The following VPS13B variants were observed in gnomAD, a reference collection of about 807,000 sequenced individuals.
VPS13B encodes the protein vacuolar protein sorting 13 homolog B.
A neutral mutation model predicts 426.4 loss-of-function variants in VPS13B; 285 were observed. The observed-to-expected ratio is 0.67, with a 90% CI of 0.61 to 0.74. VPS13B has a LOEUF of 0.74. VPS13B is among the 30% of genes least tolerant of loss of function. VPS13B has a pLI of 0.00. For missense variants in VPS13B, 4,537 were observed against 4,782.6 expected, an observed-to-expected ratio of 0.95 and a Z score of 1.51; for synonymous variants, 1,676 against 1,676.4, an observed-to-expected ratio of 1.00 and a Z score of 0.01.
rs767234590 is a variant in VPS13B at position 99,720,434 on chromosome 8, A to G, written c.6747A>G (p.Val2249=). ...GYLNEEGNFE[V]QVSEPVPQMS... is the part of the protein sequence containing the mutation. Reference sequence around the variant, plus strand: ...TTAATGAGGAGGGAAATTTTGAAGTACAAGTTTCTGAACCAGTGCCTCAAA... The same window carrying G: ...TTAATGAGGAGGGAAATTTTGAAGTGCAAGTTTCTGAACCAGTGCCTCAAA... Residue 2249 remains valine, a synonymous_variant, in exon 38 of 62, where the codon GTA becomes GTG. Transcript: ENST00000357162. 1.2e-6 allele frequency: 2 copies of G among 1,614,032 alleles called. No individual in the cohort carries two copies. Among genetic ancestry groups the G allele is most frequent in the Non-Finnish European group, 1.7e-6 (2 of 1,179,916 alleles).
intron 15 of VPS13B, among the ~76,000 whole-genome samples, chr8:99,166,919 T>C (rs1422449272): frequency 1.3e-5 from 2 of 152,186 alleles, no homozygotes; most frequent in Non-Finnish European, 1.5e-5. Context: ...GTGAGAAAGA[T>C]TGTTTATTTT....
At chr8:99,403,291 G>A (rs115259850) in intron 21 of VPS13B, among the ~76,000 whole-genome samples, 1,893 of 152,284 alleles carry the variant, frequency 0.012, 44 homozygotes, top group African/African-American at 0.043. Flanking sequence ...TATTGAAAAT[G>A]TAATTGAAGC....
intron 30 of VPS13B, among the ~76,000 whole-genome samples, chr8:99,529,435 C>A (rs1286231370): frequency 6.6e-6 from 1 of 152,086 alleles, no homozygotes; most frequent in Non-Finnish European, 1.5e-5. Flanking sequence ...TAAAAAACTT[C>A]ATGTAAACAC....
intron 25 of VPS13B, among the ~76,000 whole-genome samples, chr8:99,494,303 A>T (rs1424018365): frequency 6.6e-6 from 1 of 152,104 alleles, no homozygotes; most frequent in Non-Finnish European, 1.5e-5. Flanking sequence ...AAAATAACTC[A>T]CCATCTTAAT....
At chr8:99,513,014 G>A (rs1588451778) in intron 29 of VPS13B, among the ~76,000 whole-genome samples, 1 of 143,800 alleles carries the variant, frequency 7.0e-6, no homozygotes, top group East Asian at 2.0e-4. Flanking sequence ...ATCTCAAGTG[G>A]GAAAAAAAAA....
rs1253879066 is a variant in VPS13B, at chr8:99,721,038, T to C, written c.7041T>C (p.Asp2347=). ...DPDISTADLG[D]VLQVPCSLEY... ...ATATTAGCACAGCAGACCTTGGTGATGTGCTACAGGTATGTAATGACCATT... is the reference window on the plus strand; with the variant it reads ...ATATTAGCACAGCAGACCTTGGTGACGTGCTACAGGTATGTAATGACCATT... The change falls in exon 39 of 62, where the codon GAT becomes GAC. Residue 2347 remains aspartate, a synonymous_variant. Transcript: ENST00000357162. 2 of 1,613,990 alleles carry C rather than the reference T, an allele frequency of 1.2e-6. No homozygotes were observed. Among genetic ancestry groups the C allele is most frequent in the Non-Finnish European group, 1.7e-6 (2 of 1,179,926 alleles).
In VPS13B at chr8:99,287,882, C is replaced by T. The variant is rs182055043; in HGVS notation, c.2824+12628C>T. Among the ~76,000 whole-genome samples, 957 of 152,048 alleles carry T rather than the reference C, an allele frequency of 6.3e-3. 8 individuals are homozygous for T. Among genetic ancestry groups the T allele is most frequent in the African/African-American group, 0.022 (898 of 41,524 alleles). ...AGTCTGGCAGGTGTATGAATTAGTA[C>T]AGAGCCTCTAAAAATCAATTTAGCG... On this transcript the variant is annotated intron_variant, in intron 19 of 61. Coordinates refer to ENST00000357162, the MANE Select transcript of VPS13B (RefSeq NM_152564.5).
At chr8:99,636,069 A>C (rs1338168343) in intron 33 of VPS13B, among the ~76,000 whole-genome samples, 4 of 152,036 alleles carry the variant, frequency 2.6e-5, no homozygotes, top group Non-Finnish European at 5.9e-5. Flanking sequence ...TGATCTAAGA[A>C]GTAAACTATC....
At chr8:99,798,057 T>C (rs1205079790) in intron 43 of VPS13B, among the ~76,000 whole-genome samples, 1 of 152,060 alleles carries the variant, frequency 6.6e-6, no homozygotes. Context: ...GTTGCTGACA[T>C]TAAGATAGCT....
intron 3 of VPS13B, among the ~76,000 whole-genome samples, chr8:99,095,117 T>C (rs1285820389): frequency 1.3e-5 from 2 of 152,194 alleles, no homozygotes; most frequent in Non-Finnish European, 2.9e-5. Flanking sequence ...GAGCTACTCA[T>C]TTACTGCTCC....
chr8:99,460,085 C>T (rs1411422032), intron 23 of VPS13B, among the ~76,000 whole-genome samples: 1 of 152,082 alleles, frequency 6.6e-6, no homozygotes, highest in Non-Finnish European at 1.5e-5. Context: ...GGGCTTTTAA[C>T]ATTTCCATTT....
At chr8:99,433,425 T>G (rs1323052981) in intron 22 of VPS13B, among the ~76,000 whole-genome samples, 4 of 152,138 alleles carry the variant, frequency 2.6e-5, no homozygotes, top group Admixed American at 6.6e-5. Context: ...ACTCCTTACA[T>G]CTTATTAGAA....
intron 22 of VPS13B, among the ~76,000 whole-genome samples, chr8:99,438,518 G>A (rs1193928914): frequency 6.6e-6 from 1 of 152,150 alleles, no homozygotes; most frequent in Non-Finnish European, 1.5e-5. Context: ...TTGCATGGCA[G>A]TTAGGAGGAA....
intron 19 of VPS13B, among the ~76,000 whole-genome samples, chr8:99,343,522 C>T (rs1294195246): frequency 1.3e-5 from 2 of 152,088 alleles, no homozygotes; most frequent in Non-Finnish European, 2.9e-5. Context: ...TTAATTGCTT[C>T]CTTTGCTGTG....
chr8:99,591,795 C>T (rs1826691939), intron 33 of VPS13B, among the ~76,000 whole-genome samples: 1 of 152,072 alleles, frequency 6.6e-6, no homozygotes, highest in South Asian at 2.1e-4. Flanking sequence ...TTTTTTCCTT[C>T]ATTTCAACCT....
intron 35 of VPS13B, among the ~76,000 whole-genome samples, chr8:99,676,423 G>A (rs1830934717): frequency 6.6e-6 from 1 of 151,974 alleles, no homozygotes; most frequent in Non-Finnish European, 1.5e-5. Context: ...TCAGTACATG[G>A]GTACTGACCT....
intron 8 of VPS13B, among the ~76,000 whole-genome samples, chr8:99,131,584 C>G (rs1192426393): frequency 6.6e-6 from 1 of 151,718 alleles, no homozygotes; most frequent in Non-Finnish European, 1.5e-5. Flanking sequence ...TATGTTTGCA[C>G]AATATTGTAG....
chr8:99,063,295 C>T (rs549270036), intron 3 of VPS13B, among the ~76,000 whole-genome samples: 52 of 152,288 alleles, frequency 3.4e-4, no homozygotes, highest in Non-Finnish European at 7.3e-5. Flanking sequence ...TGCAAGGGGT[C>T]GGGGGATTTC....
intron 35 of VPS13B, among the ~76,000 whole-genome samples, chr8:99,689,821 T>G (rs2130070536): frequency 6.6e-6 from 1 of 152,318 alleles, no homozygotes; most frequent in Middle Eastern, 3.4e-3. Context: ...AATGGATCCC[T>G]TAGGTTCAGC....
Sources: gnomAD v4.1 joint callset for allele counts (sites outside exome capture counted in the v4.1 genomes callset) on GRCh38, gnomAD v4.1.1 for gene constraint, MANE v1.5 for transcripts, NCBI Gene and HGNC (gene_info 2026-07-23, HGNC 2026-07-21) for gene names.